The following DLGAP2 variants were observed in gnomAD, a reference collection of about 807,000 sequenced individuals.
DLGAP2 encodes DLG associated protein 2.
In DLGAP2, 26 loss-of-function variants were observed where a neutral mutation model predicts 100.3. The ratio of observed to expected loss-of-function variants is 0.26; its 90% CI spans 0.19 to 0.36. The LOEUF (loss-of-function observed/expected upper bound fraction) is 0.36. Ranked by LOEUF, DLGAP2 falls within the 10% of genes least tolerant of loss-of-function variation. The probability of loss-of-function intolerance (pLI) is 1.00; values close to 1 mark genes in which losing one functional copy is unlikely to be tolerated. For synonymous variants in DLGAP2, 886 were observed against 630.1 expected (o/e 1.41, Z -6.08); for missense variants, 1,858 against 1,453.2 (o/e 1.28, Z -4.53).
chr8:1,128,449 G>A (rs1455901177), intron 2 of DLGAP2, among the ~76,000 whole-genome samples: 1 of 152,232 alleles, frequency 6.6e-6, no homozygotes, highest in Admixed American at 6.5e-5. Context: ...TCTATGTTTA[G>A]CTGGGCTTAG....
intron 2 of DLGAP2, among the ~76,000 whole-genome samples, chr8:1,159,282 C>T (rs1258287842): frequency 6.6e-6 from 1 of 152,200 alleles, no homozygotes; most frequent in Admixed American, 6.5e-5. Flanking sequence ...CAAGAGTCTC[C>T]TGTTGTTTAA....
intron 6 of DLGAP2, among the ~76,000 whole-genome samples, chr8:1,624,714 C>G (rs1797445760): frequency 6.6e-6 from 1 of 152,020 alleles, no homozygotes; most frequent in Admixed American, 6.6e-5. Context: ...GTGCCGGTCC[C>G]CACATCTGCA....
chr8:1,511,385 TG>T (rs1800155957), intron 4 of DLGAP2, among the ~76,000 whole-genome samples: 1 of 145,678 alleles, frequency 6.9e-6, no homozygotes, highest in African/African-American at 2.5e-5. Context: ...AATCAGTAGA[TG>T]ACCATCTTCC....
At chr8:858,865 C>T (rs1336301210) in intron 1 of DLGAP2, among the ~76,000 whole-genome samples, 1 of 152,156 alleles carries the variant, frequency 6.6e-6, no homozygotes, top group Non-Finnish European at 1.5e-5. Flanking sequence ...CAAGAGTAGC[C>T]CTCGTGTAAT....
At chr8:1,108,590 G>A (rs1402428861) in intron 2 of DLGAP2, among the ~76,000 whole-genome samples, 1 of 148,430 alleles carries the variant, frequency 6.7e-6, no homozygotes, top group African/African-American at 2.5e-5. Context: ...ACGGGTCTGT[G>A]AGATGTGCAT....
chr8:1,558,962 T>A (rs565803582), intron 5 of DLGAP2, among the ~76,000 whole-genome samples: 1 of 152,322 alleles, frequency 6.6e-6, no homozygotes, highest in East Asian at 1.9e-4. Flanking sequence ...ATGTTTTTCC[T>A]CGGTTCCAGT....
chr8:1,585,658 C>A (rs1437222868), intron 6 of DLGAP2, among the ~76,000 whole-genome samples: 1 of 152,206 alleles, frequency 6.6e-6, no homozygotes, highest in Non-Finnish European at 1.5e-5. Context: ...AGGGAGACAT[C>A]CCTAGAGATG....
intron 3 of DLGAP2, among the ~76,000 whole-genome samples, chr8:1,366,088 C>T (rs772000303): frequency 2.6e-5 from 4 of 152,224 alleles, no homozygotes; most frequent in Admixed American, 1.3e-4. Context: ...TCACTGTGCA[C>T]CCGAAGGCCA....
intron 2 of DLGAP2, among the ~76,000 whole-genome samples, chr8:1,179,426 G>A (rs1333841192): frequency 6.6e-6 from 1 of 152,210 alleles, no homozygotes; most frequent in Non-Finnish European, 1.5e-5. Context: ...AGCTTTCTGG[G>A]AAGGCTCAGC....
intron 3 of DLGAP2, among the ~76,000 whole-genome samples, chr8:1,465,746 G>C (rs898999646): frequency 3.3e-5 from 5 of 152,224 alleles, no homozygotes; most frequent in African/African-American, 4.8e-5. Flanking sequence ...GTTGCTAGCA[G>C]ACCAAGGGTG....
intron 2 of DLGAP2, among the ~76,000 whole-genome samples, chr8:1,214,165 A>C (rs1486323473): frequency 2.6e-5 from 4 of 152,090 alleles, no homozygotes; most frequent in African/African-American, 4.8e-5. Flanking sequence ...ATTCCCTGCC[A>C]GGCCTCCCAG....
In DLGAP2 at chr8:1,548,709, G is replaced by A. The variant is rs1432238736; in HGVS notation, c.256G>A (p.Gly86Arg). The change falls in exon 5 of 15, where the codon GGA becomes AGA. Residue 86 changes from glycine to arginine, a missense_variant. Gly to Arg is a moderately radical substitution (Grantham distance 125, BLOSUM62 -2). Coordinates refer to ENST00000637795, the MANE Select transcript of DLGAP2 (RefSeq NM_001346810.2). The stretch of plus-strand genomic sequence containing the variant: ...GCCCAGGAGCATGAAGGGCCTTTCC[G>A]GAAGTCGGACCCAGCCGCCGCTGTG... The part of the protein sequence containing the change: ...PAPRSMKGLS[G>R]SRTQPPLCSG... 6.2e-6 allele frequency: 10 copies of A among 1,607,120 alleles called. No individual in the cohort carries two copies. The Admixed American group carries it at 6.7e-5, about 11-fold the overall frequency.
intron 3 of DLGAP2, among the ~76,000 whole-genome samples, chr8:1,332,401 ATG>A (rs986389529): frequency 4.0e-5 from 6 of 151,894 alleles, no homozygotes; most frequent in Middle Eastern, 3.4e-3. Flanking sequence ...GTGTGTCTGC[ATG>A]TGTGAGTATA....
intron 5 of DLGAP2, among the ~76,000 whole-genome samples, chr8:1,563,894 G>T (rs1011492419): frequency 1.6e-4 from 25 of 152,122 alleles, no homozygotes; most frequent in African/African-American, 5.8e-4. Context: ...CTTTTCTGAT[G>T]ATATAAGTAG....
At chr8:942,480 A>T (rs1799219251) in intron 2 of DLGAP2, among the ~76,000 whole-genome samples, 1 of 152,106 alleles carries the variant, frequency 6.6e-6, no homozygotes, top group African/African-American at 2.4e-5. Context: ...AACAGCCAAA[A>T]TCCATCTCCA....
chr8:1,008,117 G>C (rs1207092661), intron 2 of DLGAP2, among the ~76,000 whole-genome samples: 1 of 152,180 alleles, frequency 6.6e-6, no homozygotes, highest in Non-Finnish European at 1.5e-5. Context: ...AGTGAAGAAA[G>C]ATCCTGATCT....
At chr8:1,203,602 C>T (rs746251748) in intron 2 of DLGAP2, among the ~76,000 whole-genome samples, 14 of 152,260 alleles carry the variant, frequency 9.2e-5, no homozygotes, top group Non-Finnish European at 1.6e-4. Flanking sequence ...TTCAGCTTCT[C>T]GTTTGAATGT....
intron 2 of DLGAP2, among the ~76,000 whole-genome samples, chr8:1,022,207 C>T (rs903156322): frequency 6.6e-6 from 1 of 151,992 alleles, no homozygotes; most frequent in East Asian, 1.9e-4. Context: ...CACCCACCCT[C>T]CCTGGGAGTG....
intron 2 of DLGAP2, among the ~76,000 whole-genome samples, chr8:1,151,449 G>A (rs181570138): frequency 6.6e-6 from 1 of 152,312 alleles, no homozygotes; most frequent in Admixed American, 6.5e-5. Context: ...CCTACGCGGG[G>A]GCAGCTTTGG....
Sources: gnomAD v4.1 joint callset for allele counts (sites outside exome capture counted in the v4.1 genomes callset) on GRCh38, gnomAD v4.1.1 for gene constraint, MANE v1.5 for transcripts, NCBI Gene and HGNC (gene_info 2026-07-23, HGNC 2026-07-21) for gene names.